ZNF469: variants seen among roughly 807,000 people sequenced by gnomAD.
ZNF469 encodes the protein zinc finger protein 469.
A neutral mutation model predicts 1.0 loss-of-function variants in ZNF469; 1 was observed. That is an observed-to-expected ratio of 1.00 (90% confidence interval 0.35 to 4.73). The LOEUF (loss-of-function observed/expected upper bound fraction) is 4.73, where lower values mean the gene tolerates loss of function less well. Ranked by LOEUF, ZNF469 falls within the 30% of genes most tolerant of loss-of-function variation. The pLI, the probability that ZNF469 is intolerant of heterozygous loss-of-function variation, is 0.16. For missense variants in ZNF469, 6,100 were observed against 5,356.3 expected (o/e 1.14, Z -4.33); for synonymous variants, 2,703 against 2,363.4 (o/e 1.14, Z -4.17).
At chr16:88,348,331 C>T in the ZNF469 span, among the ~76,000 whole-genome samples, 6 of 152,268 alleles carry the variant, frequency 3.9e-5, 1 homozygote, top group Non-Finnish European at 7.4e-5. Flanking sequence ...GCGTGCCTCT[C>T]GTTTCCCTGT....
chr16:88,277,177 G>A, the ZNF469 span, among the ~76,000 whole-genome samples: 14 of 151,404 alleles, frequency 9.2e-5, no homozygotes, highest in Non-Finnish European at 1.5e-4. Flanking sequence ...GCACCACACC[G>A]ACGCTCAGTC....
chr16:88,154,495 T>TG, the ZNF469 span, among the ~76,000 whole-genome samples: 1 of 152,228 alleles, frequency 6.6e-6, no homozygotes, highest in Non-Finnish European at 1.5e-5. Context: ...AAAAACACTT[T>TG]GGGAAGAACC....
chr16:88,440,458 C>G lies in ZNF469; in HGVS notation c.*1126C>G, dbSNP rs2142320126. ...CAGCGTCGTGCCTGTGAAGGTGGGT[C>G]AAAGGGTGAGAGGGCTTCCTTCTCA... On this transcript the variant is annotated 3_prime_UTR_variant, in exon 3 of 3. Coordinates refer to ENST00000565624, the MANE Select transcript of ZNF469 (RefSeq NM_001367624.2). The G allele has an allele frequency of 6.6e-6, 1 of 152,160 alleles. No individual in the cohort carries two copies. 9.4% of individuals were successfully genotyped at this position (152,160 alleles called of 1,614,324 possible).
the ZNF469 span, among the ~76,000 whole-genome samples, chr16:88,159,538 C>T: frequency 3.9e-5 from 6 of 152,074 alleles, no homozygotes; most frequent in African/African-American, 9.7e-5. Flanking sequence ...GAGTGTGGAG[C>T]GCAGCGTACG....
chr16:88,220,153 A>C, the ZNF469 span, among the ~76,000 whole-genome samples: 1 of 152,158 alleles, frequency 6.6e-6, no homozygotes, highest in Non-Finnish European at 1.5e-5. Context: ...ATTCCCACCC[A>C]GAACCTGCTG....
chr16:88,198,271 T>TGTCTCAGATG, the ZNF469 span, among the ~76,000 whole-genome samples: 1 of 152,192 alleles, frequency 6.6e-6, no homozygotes, highest in Non-Finnish European at 1.5e-5. Context: ...GAGGGGCTTC[T>TGTCTCAGATG]GTCTCAGATG....
chr16:88,390,650 G>A (rs1410830770), intron 1 of ZNF469, among the ~76,000 whole-genome samples: 3 of 152,194 alleles, frequency 2.0e-5, no homozygotes, highest in African/African-American at 4.8e-5. Flanking sequence ...GGATGCCGCC[G>A]GGCACTGCCC....
chr16:88,277,038 T>C, the ZNF469 span, among the ~76,000 whole-genome samples: 1 of 151,218 alleles, frequency 6.6e-6, no homozygotes, highest in African/African-American at 2.4e-5. Context: ...GTCAGTACCA[T>C]GTATATATCA....
In ZNF469 at chr16:88,432,789, AGG is replaced by A; in HGVS notation, c.5320_5321del (p.Gly1774ArgfsTer32). The A allele has an allele frequency of 6.5e-7, 1 of 1,550,354 alleles. No homozygotes were observed. The highest frequency in any genetic ancestry group is 8.7e-7 in the Non-Finnish European group (1 of 1,146,978). On this transcript the variant is annotated frameshift_variant, in exon 3 of 3. Coordinates refer to ENST00000565624, the MANE Select transcript of ZNF469 (RefSeq NM_001367624.2). LOFTEE classifies it low-confidence loss of function (END_TRUNC). ...SLRLLPCEQR[G>X]GFLPEPGTAD... is the part of the protein sequence containing the mutation. ...TGCGGCTGCTTCCCTGTGAACAGAG[AGG>A]AGGGTTCCTCCCAGAGCCCGGCACA... is the stretch of plus-strand genomic sequence containing the variant.
the ZNF469 span, among the ~76,000 whole-genome samples, chr16:88,357,603 C>T: frequency 6.6e-6 from 1 of 152,040 alleles, no homozygotes; most frequent in Non-Finnish European, 1.5e-5. Flanking sequence ...GGCAGGGAGG[C>T]GATGGCTGAG....
At chr16:88,215,824 C>T in the ZNF469 span, among the ~76,000 whole-genome samples, 1 of 152,226 alleles carries the variant, frequency 6.6e-6, no homozygotes, top group African/African-American at 2.4e-5. Context: ...CTGGATAATG[C>T]CAGAATCTTA....
chr16:88,397,052 C>T (rs771519558), intron 1 of ZNF469, among the ~76,000 whole-genome samples: 14 of 151,774 alleles, frequency 9.2e-5, no homozygotes, highest in Admixed American at 9.2e-4. Context: ...GAAGACAGGC[C>T]GGGAGGAGAC....
the ZNF469 span, among the ~76,000 whole-genome samples, chr16:88,199,721 A>G: frequency 0.28 from 42,626 of 152,132 alleles, 6,426 homozygotes; most frequent in Middle Eastern, 0.39. Flanking sequence ...CAGGGAGGAC[A>G]GTGCTGGCCA....
the ZNF469 span, among the ~76,000 whole-genome samples, chr16:88,185,390 C>A: frequency 8.6e-6 from 1 of 116,596 alleles, no homozygotes; most frequent in South Asian, 3.5e-4. Context: ...GTGCAGAGAA[C>A]ACACACACAT....
the ZNF469 span, among the ~76,000 whole-genome samples, chr16:88,337,546 T>C: frequency 6.6e-6 from 1 of 152,258 alleles, no homozygotes. Flanking sequence ...GCTGAGTTTA[T>C]ACCTAGTGGT....
the ZNF469 span, among the ~76,000 whole-genome samples, chr16:88,148,094 C>A: frequency 1.3e-5 from 2 of 152,078 alleles, no homozygotes; most frequent in Admixed American, 1.3e-4. Context: ...ACTGCAGCTT[C>A]CTTCGTCGTT....
At position 88,429,344 on chromosome 16, in the gene ZNF469, TCCCCGGCCC is replaced by T. The variant is rs1567510023; in HGVS notation, c.1877_1885del (p.Pro626_Pro628del). The T allele has an allele frequency of 2.5e-5, 38 of 1,549,708 alleles. No homozygotes were observed. The highest frequency in any genetic ancestry group is 3.1e-5 in the Non-Finnish European group (36 of 1,146,800). On this transcript the variant is annotated inframe_deletion, in exon 3 of 3. Coordinates refer to ENST00000565624, the MANE Select transcript of ZNF469 (RefSeq NM_001367624.2). ...AACCCCAGCTCAGAGGAAAGCCAGC[TCCCCGGCCC>T]CCTCGGGCCCTCGGCCTTCTTCCAC...
the ZNF469 span, among the ~76,000 whole-genome samples, chr16:88,134,780 T>C: frequency 1.3e-5 from 2 of 152,340 alleles, no homozygotes; most frequent in East Asian, 1.9e-4. Context: ...TGAGTTAGGA[T>C]GGACAGCTGT....
chr16:88,326,596 G>A, the ZNF469 span, among the ~76,000 whole-genome samples: 2 of 152,192 alleles, frequency 1.3e-5, no homozygotes, highest in Non-Finnish European at 2.9e-5. Flanking sequence ...ATGTTTCCCA[G>A]GGACCACCCT....
Sources: allele counts gnomAD v4.1 joint callset (sites outside exome capture counted in the v4.1 genomes callset), GRCh38; gene constraint gnomAD v4.1.1; transcripts MANE v1.5; gene names NCBI Gene and HGNC (gene_info 2026-07-23, HGNC 2026-07-21).